The following VWC2 variants were observed in gnomAD, a reference collection of about 807,000 sequenced individuals.
The protein encoded by VWC2 is von Willebrand factor C domain containing 2.
A neutral mutation model predicts 29.8 loss-of-function variants in VWC2; 14 were observed. The ratio of observed to expected loss-of-function variants is 0.47; its 90% CI spans 0.31 to 0.74. The LOEUF (loss-of-function observed/expected upper bound fraction) is 0.74, where lower values mean the gene tolerates loss of function less well. Among genes scored for constraint, VWC2 ranks in the 30% least tolerant of loss-of-function variants. The pLI, the probability that VWC2 is intolerant of heterozygous loss-of-function variation, is 0.05. For missense variants in VWC2, 457 were observed against 459.8 expected (o/e 0.99, Z 0.05); for synonymous variants, 213 against 199.0 (o/e 1.07, Z -0.59).
intron 3 of VWC2, among the ~76,000 whole-genome samples, chr7:49,831,344 A>G (rs1789520212): frequency 6.6e-6 from 1 of 152,156 alleles, no homozygotes; most frequent in African/African-American, 2.4e-5. Context: ...ATTTTTTCTC[A>G]AGCAACTGTA....
At chr7:49,895,904 T>C (rs1792364378) in intron 3 of VWC2, among the ~76,000 whole-genome samples, 3 of 152,144 alleles carry the variant, frequency 2.0e-5, no homozygotes, top group African/African-American at 7.2e-5. Context: ...TAGAATCCAT[T>C]TGTATATATG....
intron 3 of VWC2, among the ~76,000 whole-genome samples, chr7:49,896,519 A>G (rs557629938): frequency 4.6e-5 from 7 of 152,208 alleles, no homozygotes; most frequent in Non-Finnish European, 7.3e-5. Context: ...AAAGCAATGG[A>G]AAGAAAAAAT....
At position 49,911,913 on chromosome 7, in the gene VWC2, A is replaced by ATACACG. The variant is rs1206521140; in HGVS notation, c.827-121_827-120insTACACG. The ATACACG allele has an allele frequency of 1.1e-5, 8 of 721,530 alleles. No homozygotes were observed. In the African/African-American group the frequency reaches 1.3e-4, roughly 12 times the overall value. 44.7% of individuals were successfully genotyped at this position (721,530 alleles called of 1,614,324 possible). Reference sequence around the variant, plus strand: ...CTCTGTCTCAAAAACAAACAAACAAACAAATACACGCACACACACACACAC... The same window carrying ATACACG: ...CTCTGTCTCAAAAACAAACAAACAAATACACGCAAATACACGCACACACACACACAC... On this transcript the variant is annotated intron_variant, in intron 3 of 3. Transcript: ENST00000340652.
At chr7:49,806,537 A>G (rs915142727) in intron 3 of VWC2, among the ~76,000 whole-genome samples, 1 of 152,218 alleles carries the variant, frequency 6.6e-6, no homozygotes, top group African/African-American at 2.4e-5. Flanking sequence ...GAAAGTGAAA[A>G]ACATTTATGA....
chr7:49,837,911 A>C (rs748105827), intron 3 of VWC2, among the ~76,000 whole-genome samples: 1 of 152,102 alleles, frequency 6.6e-6, no homozygotes, highest in African/African-American at 2.4e-5. Flanking sequence ...ATAATGAAAA[A>C]TTTTTTCAAA....
intron 1 of VWC2, among the ~76,000 whole-genome samples, 184 bp downstream of exon 1, chr7:49,774,297 A>G (rs901232591): frequency 2.6e-5 from 4 of 152,264 alleles, no homozygotes; most frequent in African/African-American, 9.6e-5. Flanking sequence ...GCAGGGGGTC[A>G]GCAGGGCCGG....
intron 3 of VWC2, among the ~76,000 whole-genome samples, chr7:49,887,082 C>A (rs1291793361): frequency 6.6e-6 from 1 of 152,144 alleles, no homozygotes; most frequent in African/African-American, 2.4e-5. Context: ...TGCACATGAA[C>A]ATTAAACTAC....
At position 49,920,418 on chromosome 7, in the gene VWC2, A is replaced by T. The variant is rs1486110243; in HGVS notation, c.*8233A>T. 1 of 152,168 alleles carries T rather than the reference A, an allele frequency of 6.6e-6. No homozygotes were observed. Among genetic ancestry groups the T allele is most frequent in the East Asian group, 1.9e-4 (1 of 5,200 alleles). The allele number at this position is 152,168 out of a possible 1,614,324, so 9.4% of individuals were successfully genotyped here. On this transcript the variant is annotated 3_prime_UTR_variant, in exon 4 of 4. Coordinates refer to ENST00000340652, the MANE Select transcript of VWC2 (RefSeq NM_198570.5). ...ACAGTTACTCTCTCAATTTGCTGTG[A>T]TAGGAAAGGTGGATATAAATATAAG...
At chr7:49,850,473 AG>A (rs1219849761) in intron 3 of VWC2, 1 of 152,242 alleles carries the variant, frequency 6.6e-6, no homozygotes, top group African/African-American at 2.4e-5. Context: ...AAGGAGTGGT[AG>A]CTTAGGCACA....
Position 49,920,660 on chromosome 7 carries a change from A to T in VWC2, c.*8475A>T, listed in dbSNP as rs1793978066. On this transcript the variant is annotated 3_prime_UTR_variant, in exon 4 of 4. Transcript: ENST00000340652. ...ACATAAAGTTCACAACTATTTGCAC[A>T]TAGCTATAAATATAGCATGAATAAA... 2.6e-5 allele frequency: 4 copies of T among 152,224 alleles called. No homozygotes were observed. 9.4% of individuals were successfully genotyped at this position (152,224 alleles called of 1,614,324 possible). A position where few individuals can be genotyped will look rare whatever the true frequency, so the allele number is the denominator to read the frequency against.
intron 3 of VWC2, among the ~76,000 whole-genome samples, chr7:49,842,633 G>A (rs1008669693): frequency 2.6e-5 from 4 of 152,178 alleles, no homozygotes; most frequent in Non-Finnish European, 5.9e-5. Flanking sequence ...GGAATTGTCT[G>A]TATACTTGCA....
intron 3 of VWC2, among the ~76,000 whole-genome samples, chr7:49,885,826 A>C (rs779353186): frequency 6.6e-6 from 1 of 152,240 alleles, no homozygotes; most frequent in African/African-American, 2.4e-5. Flanking sequence ...TGGAGCTGAG[A>C]AGCAGCAGCT....
At chr7:49,838,958 T>G (rs1311162517) in intron 3 of VWC2, among the ~76,000 whole-genome samples, 1 of 152,090 alleles carries the variant, frequency 6.6e-6, no homozygotes, top group African/African-American at 2.4e-5. Flanking sequence ...GTGACAGAAT[T>G]TAGAAATAGG....
intron 3 of VWC2, among the ~76,000 whole-genome samples, chr7:49,886,253 G>T (rs1046267732): frequency 6.6e-6 from 1 of 152,174 alleles, no homozygotes; most frequent in Non-Finnish European, 1.5e-5. Flanking sequence ...GTGTGGCTTT[G>T]AATCACTTTT....
intron 3 of VWC2, among the ~76,000 whole-genome samples, chr7:49,872,233 G>GGTGGAGAGA (rs1284648011): frequency 6.6e-6 from 1 of 152,054 alleles, no homozygotes; most frequent in Non-Finnish European, 1.5e-5. Flanking sequence ...TGGGGGTGGA[G>GGTGGAGAGA]GTGGAGAGAC....
chr7:49,807,354 C>A (rs1788902478), intron 3 of VWC2, among the ~76,000 whole-genome samples: 1 of 152,122 alleles, frequency 6.6e-6, no homozygotes, highest in South Asian at 2.1e-4. Context: ...CCAAGAGGAA[C>A]AACAAAGCTG....
chr7:49,805,339 AGC>A (rs1460259662), intron 3 of VWC2, among the ~76,000 whole-genome samples: 1 of 152,216 alleles, frequency 6.6e-6, no homozygotes, highest in Non-Finnish European at 1.5e-5. Flanking sequence ...TGTTTTTTAA[AGC>A]TAGATTTATA....
At chr7:49,834,682 A>G (rs909557876) in intron 3 of VWC2, among the ~76,000 whole-genome samples, 2 of 152,234 alleles carry the variant, frequency 1.3e-5, no homozygotes, top group Admixed American at 6.5e-5. Flanking sequence ...AAAAAATAAA[A>G]TTCCCCAGGT....
intron 3 of VWC2, among the ~76,000 whole-genome samples, chr7:49,908,014 A>T (rs1793199440): frequency 6.6e-6 from 1 of 152,138 alleles, no homozygotes; most frequent in African/African-American, 2.4e-5. Context: ...CGGAATGCAG[A>T]TTTTCCCCAC....
Sources: gnomAD v4.1 joint callset for allele counts (sites outside exome capture counted in the v4.1 genomes callset) on GRCh38, gnomAD v4.1.1 for gene constraint, MANE v1.5 for transcripts, NCBI Gene and HGNC (gene_info 2026-07-23, HGNC 2026-07-21) for gene names.